STON2: variants seen among roughly 807,000 people sequenced by gnomAD.
STON2 encodes stonin 2, also known as stonin-2.
In STON2, 29 loss-of-function variants were observed where a neutral mutation model predicts 65.7. The ratio of observed to expected loss-of-function variants is 0.44; its 90% CI spans 0.33 to 0.60. The LOEUF is 0.60. STON2 is among the 20% of genes least tolerant of loss of function. The pLI, the probability that STON2 is intolerant of heterozygous loss-of-function variation, is 0.03. For missense variants in STON2, 1,054 were observed against 1,118.1 expected (o/e 0.94, Z 0.82); for synonymous variants, 404 against 414.2 (o/e 0.98, Z 0.30).
chr14:81,262,063 G>C lies in STON2; in HGVS notation c.*6351C>G. 1 of 1,302,020 alleles carries C rather than the reference G, an allele frequency of 7.7e-7. No homozygotes were observed. The highest frequency in any genetic ancestry group is 9.7e-7 in the Non-Finnish European group (1 of 1,028,164). The allele number at this position is 1,302,020 out of a possible 1,614,324, so 80.7% of individuals were successfully genotyped here. On this transcript the variant is annotated 3_prime_UTR_variant, in exon 8 of 8. Transcript: ENST00000614646. ...TAAACATAGGAAGAGTCACTGAAAGGTGGCACCAATGGATATTTTGTAAAA... is the reference window on the plus strand; with the variant it reads ...TAAACATAGGAAGAGTCACTGAAAGCTGGCACCAATGGATATTTTGTAAAA...
At chr14:81,417,820 G>C (rs1026045263) in intron 2 of STON2, among the ~76,000 whole-genome samples, 3 of 152,192 alleles carry the variant, frequency 2.0e-5, no homozygotes, top group Non-Finnish European at 2.9e-5. Context: ...CTACATAAGG[G>C]AGTGGGGCTG....
chr14:81,268,872 C>T (rs1894461320), intron 7 of STON2, among the ~76,000 whole-genome samples: 1 of 152,170 alleles, frequency 6.6e-6, no homozygotes, highest in African/African-American at 2.4e-5. Context: ...ACCATGGGCT[C>T]CACAAGACAT....
intron 2 of STON2, among the ~76,000 whole-genome samples, chr14:81,420,364 T>A (rs1438044993): frequency 6.6e-6 from 1 of 152,224 alleles, no homozygotes; most frequent in Non-Finnish European, 1.5e-5. Context: ...CTCTGGGTTA[T>A]TTATGCTCAT....
In STON2 at chr14:81,267,212, A is replaced by G; in HGVS notation, c.*1202T>C. The G allele has an allele frequency of 2.0e-6, 2 of 985,390 alleles. No homozygotes were observed. The highest frequency in any genetic ancestry group is 2.4e-6 in the Non-Finnish European group (2 of 829,904). 61.0% of individuals were successfully genotyped at this position (985,390 alleles called of 1,614,324 possible). A position where few individuals can be genotyped will look rare whatever the true frequency, so the allele number is the denominator to read the frequency against. On this transcript the variant is annotated 3_prime_UTR_variant, in exon 8 of 8. Coordinates refer to ENST00000614646, the MANE Select transcript of STON2 (RefSeq NM_001394390.1). ...AGGAAAAGAAGATTAATTGTCCCAGAAACAGATGAAGAAAAAGAAGATGGA... is the reference window on the plus strand; with the variant it reads ...AGGAAAAGAAGATTAATTGTCCCAGGAACAGATGAAGAAAAAGAAGATGGA...
rs1198961495 is a variant in STON2, at chr14:81,261,762, C to T, written c.*6652G>A. 8 of 1,495,726 alleles carry T rather than the reference C, an allele frequency of 5.3e-6. No individual in the cohort carries two copies. The Admixed American group carries it at 1.7e-4, about 32-fold the overall frequency. 92.7% of individuals were successfully genotyped at this position (1,495,726 alleles called of 1,614,324 possible). ...AAATCCTAACATCTATTTTGGAGAC[C>T]TGTCTGTGCCTCTTCATGCTCACAC... On this transcript the variant is annotated 3_prime_UTR_variant, in exon 8 of 8. Coordinates refer to ENST00000614646, the MANE Select transcript of STON2 (RefSeq NM_001394390.1).
At chr14:81,274,294 G>A (rs994268182) in intron 6 of STON2, among the ~76,000 whole-genome samples, 3 of 152,174 alleles carry the variant, frequency 2.0e-5, no homozygotes, top group African/African-American at 7.2e-5. Flanking sequence ...GAGGATTTAA[G>A]TAAGAAACAT....
At chr14:81,428,334 T>C (rs1306340095) in intron 1 of STON2, among the ~76,000 whole-genome samples, 2 of 152,212 alleles carry the variant, frequency 1.3e-5, no homozygotes, top group Non-Finnish European at 2.9e-5. Context: ...ATAGACGACA[T>C]TTAAACAACG....
chr14:81,371,185 G>T lies in STON2; in HGVS notation c.374C>A (p.Ala125Asp). The change falls in exon 4 of 8, where the codon GCC becomes GAC. Residue 125 changes from alanine to aspartate, a missense_variant and splice_region_variant. Coordinates refer to ENST00000614646, the MANE Select transcript of STON2 (RefSeq NM_001394390.1). The part of the protein sequence containing the change: ...SPPHQETAET[A>D]LPLTMPCWTC... ...CCAGCAGGGCATGGTCAATGGTAGG[G>T]CTGGGGAGAGACCAAAAACCAAAAG... is the stretch of plus-strand genomic sequence containing the variant. 6.2e-7 allele frequency: 1 copy of T among 1,613,582 alleles called. No homozygotes were observed. Among genetic ancestry groups the T allele is most frequent in the Non-Finnish European group, 8.5e-7 (1 of 1,179,866 alleles).
Position 81,419,029 on chromosome 14 carries a change from A to G in STON2, c.-199+8073T>C, listed in dbSNP as rs147579028. 4.2e-3 allele frequency among the ~76,000 whole-genome samples: 631 copies of G among 149,976 alleles called. 5 individuals carry two copies. Among genetic ancestry groups the G allele is most frequent in the African/African-American group, 0.015 (606 of 39,948 alleles). On this transcript the variant is annotated intron_variant, in intron 2 of 8. Transcript: ENST00000553821. Reference sequence around the variant, plus strand: ...AAATACCTCTTAAAATCTCAATAAAACCTTTCTAAGCTCTACAAATTAAAA... The same window carrying G: ...AAATACCTCTTAAAATCTCAATAAAGCCTTTCTAAGCTCTACAAATTAAAA...
intron 5 of STON2, among the ~76,000 whole-genome samples, chr14:81,318,144 A>T (rs924012282): frequency 6.6e-6 from 1 of 151,756 alleles, no homozygotes; most frequent in African/African-American, 2.4e-5. Context: ...TTGTATTTTT[A>T]GTAGAGACGG....
intron 5 of STON2, among the ~76,000 whole-genome samples, chr14:81,320,221 TG>T (rs2140239130): frequency 6.6e-6 from 1 of 151,642 alleles, no homozygotes; most frequent in African/African-American, 2.4e-5. Flanking sequence ...AGCAGAATTG[TG>T]TAAGTGAGCC....
intron 4 of STON2, among the ~76,000 whole-genome samples, chr14:81,330,996 C>T (rs138100811): frequency 1.2e-3 from 176 of 152,340 alleles, no homozygotes; most frequent in African/African-American, 3.7e-3. Flanking sequence ...TATTGGTTCA[C>T]TCTGAAATGG....
At chr14:81,435,621 G>A (rs552464201) in intron 1 of STON2, among the ~76,000 whole-genome samples, 2 of 152,114 alleles carry the variant, frequency 1.3e-5, no homozygotes, top group Admixed American at 1.3e-4. Context: ...TTCACTCACA[G>A]CCCTCAGGCA....
chr14:81,410,278 CAAAAAAAA>C (rs1161157573), intron 2 of STON2, among the ~76,000 whole-genome samples: 197 of 45,786 alleles, frequency 4.3e-3, no homozygotes, highest in African/African-American at 0.011. Flanking sequence ...TAACTCTAAC[CAAAAAAAA>C]AAAAAAAAAA....
At chr14:81,431,124 G>C (rs1352136789) in intron 1 of STON2, among the ~76,000 whole-genome samples, 1 of 152,116 alleles carries the variant, frequency 6.6e-6, no homozygotes, top group Non-Finnish European at 1.5e-5. Context: ...GGAAACAGTT[G>C]GCTTCAGGCC....
chr14:81,383,369 G>C lies in STON2; in HGVS notation c.374-12184C>G, dbSNP rs149031730. 9.5e-3 allele frequency among the ~76,000 whole-genome samples: 1,446 copies of C among 152,280 alleles called. 29 individuals carry two copies. Among genetic ancestry groups the C allele is most frequent in the African/African-American group, 0.033 (1,384 of 41,566 alleles). ...CTAGCAAAAGTGCTTGGCACAAAAA[G>C]AGTACTCAACATGGGTTAGGTGGTG... On this transcript the variant is annotated intron_variant, in intron 3 of 7. Coordinates refer to ENST00000614646, the MANE Select transcript of STON2 (RefSeq NM_001394390.1).
chr14:81,380,986 A>T (rs897947924), intron 3 of STON2, among the ~76,000 whole-genome samples: 3 of 152,288 alleles, frequency 2.0e-5, no homozygotes, highest in Admixed American at 6.5e-5. Context: ...AATGTTGGAA[A>T]GAAAAAAAAA....
intron 5 of STON2, among the ~76,000 whole-genome samples, chr14:81,289,823 T>A (rs1025431528): frequency 6.6e-6 from 1 of 152,128 alleles, no homozygotes; most frequent in Non-Finnish European, 1.5e-5. Context: ...ATTTCATCCA[T>A]CCGTCCGTTG....
intron 2 of STON2, among the ~76,000 whole-genome samples, chr14:81,426,070 C>T (rs1375211587): frequency 1.3e-5 from 2 of 152,200 alleles, no homozygotes; most frequent in South Asian, 2.1e-4. Context: ...CTTCACAGCA[C>T]GAATGTCGCA....
Sources: allele counts gnomAD v4.1 joint callset (sites outside exome capture counted in the v4.1 genomes callset), GRCh38; gene constraint gnomAD v4.1.1; transcripts MANE v1.5; gene names NCBI Gene and HGNC (gene_info 2026-07-23, HGNC 2026-07-21).